Variants in PARP4 observed in about 807,000 individuals in gnomAD.
The protein encoded by PARP4 is poly(ADP-ribose) polymerase family member 4.
A neutral mutation model predicts 187.7 loss-of-function variants in PARP4; 120 were observed. The observed-to-expected ratio is 0.64, with a 90% CI of 0.55 to 0.74. The LOEUF (loss-of-function observed/expected upper bound fraction) is 0.74, where lower values mean the gene tolerates loss of function less well. PARP4 is among the 30% of genes least tolerant of loss of function. The probability of loss-of-function intolerance (pLI) is 0.00; values close to 1 mark genes in which losing one functional copy is unlikely to be tolerated. For missense variants in PARP4, 1,836 were observed against 2,070.5 expected (o/e 0.89, Z 2.20); for synonymous variants, 654 against 740.9 (o/e 0.88, Z 1.90).
In PARP4 at chr13:24,461,631, C is replaced by G. The variant is rs145859341; in HGVS notation, c.2134-1495G>C. Among the ~76,000 whole-genome samples the G allele has an allele frequency of 2.9e-3, 448 of 152,314 alleles. 4 individuals are homozygous for G. The highest frequency in any genetic ancestry group is 0.01 in the African/African-American group (416 of 41,576). On this transcript the variant is annotated intron_variant, in intron 17 of 33. Transcript: ENST00000381989. ...AGGCGTTTCCCCATATCCCCACAGCCTTCCACTGGGCCCACTGGAAAGGCT... is the reference window on the plus strand; with the variant it reads ...AGGCGTTTCCCCATATCCCCACAGCGTTCCACTGGGCCCACTGGAAAGGCT...
At chr13:24,436,211 G>C (rs957596167) in intron 30 of PARP4, among the ~76,000 whole-genome samples, 4 of 152,198 alleles carry the variant, frequency 2.6e-5, no homozygotes, top group African/African-American at 9.6e-5. Context: ...ACAGTCATTT[G>C]AAGTCAATTA....
chr13:24,431,282 A>G, intron 32 of PARP4, 95 bp downstream of exon 32: 2 of 696,788 alleles, frequency 2.9e-6, no homozygotes, highest in Non-Finnish European at 4.9e-6. Context: ...TTATTACATT[A>G]ATACACTAGC....
At chr13:24,443,927 T>C (rs1871081165) in intron 27 of PARP4, among the ~76,000 whole-genome samples, 197 bp from the exon 28 acceptor site, 1 of 152,254 alleles carries the variant, frequency 6.6e-6, no homozygotes. Flanking sequence ...AACATTCTCT[T>C]TTCCCTGAAA....
intron 27 of PARP4, among the ~76,000 whole-genome samples, chr13:24,444,705 T>G (rs990256947): frequency 1.3e-5 from 2 of 152,198 alleles, no homozygotes; most frequent in African/African-American, 4.8e-5. Flanking sequence ...CAAAAGAGAC[T>G]TCTTTGGCAT....
At chr13:24,433,007 C>T (rs1253118016) in intron 31 of PARP4, among the ~76,000 whole-genome samples, 2 of 152,108 alleles carry the variant, frequency 1.3e-5, no homozygotes, top group African/African-American at 4.8e-5. Context: ...GTACCAGGTG[C>T]TGTTCTTTGA....
At chr13:24,505,907 C>T (rs1336075269) in intron 1 of PARP4, among the ~76,000 whole-genome samples, 1 of 152,216 alleles carries the variant, frequency 6.6e-6, no homozygotes, top group African/African-American at 2.4e-5. Flanking sequence ...CTGCCGCGGC[C>T]CACGCGTCTT....
At chr13:24,488,411 T>A (rs1429800297) in intron 10 of PARP4, among the ~76,000 whole-genome samples, 7 of 152,202 alleles carry the variant, frequency 4.6e-5, no homozygotes, top group African/African-American at 1.7e-4. Context: ...TGGAGTGCAG[T>A]GGTGCAATCC....
intron 7 of PARP4, 22 bp downstream of exon 7, chr13:24,494,551 A>C: frequency 6.3e-7 from 1 of 1,590,850 alleles, no homozygotes; most frequent in Non-Finnish European, 8.5e-7. Context: ...TCAACAACAA[A>C]AAAATTATAA....
chr13:24,502,076 A>G (rs1869328670), intron 2 of PARP4, among the ~76,000 whole-genome samples: 1 of 152,244 alleles, frequency 6.6e-6, no homozygotes, highest in Non-Finnish European at 1.5e-5. Flanking sequence ...GGTTATTTCT[A>G]AATTTTCATT....
At position 24,452,395 on chromosome 13, in the gene PARP4, CTG is replaced by C; in HGVS notation, c.3014+9_3014+10del. 1 of 1,607,010 alleles carries C rather than the reference CTG, an allele frequency of 6.2e-7. No homozygotes were observed. The highest frequency in any genetic ancestry group is 8.5e-7 in the Non-Finnish European group (1 of 1,176,650). ...GGGTCTGGACTATGTGACCAGCTCT[CTG>C]AGACTCACCCGATACCGCAGGCGAA... On this transcript the variant is annotated intron_variant, in intron 24 of 33. Transcript: ENST00000381989.
chr13:24,461,934 C>A (rs1443898698), intron 17 of PARP4, among the ~76,000 whole-genome samples: 1 of 152,194 alleles, frequency 6.6e-6, no homozygotes, highest in African/African-American at 2.4e-5. Flanking sequence ...CTCCTAGGCC[C>A]AGGATCCTGC....
At chr13:24,436,929 T>C (rs2137445484) in intron 30 of PARP4, among the ~76,000 whole-genome samples, 1 of 152,312 alleles carries the variant, frequency 6.6e-6, no homozygotes, top group Admixed American at 6.5e-5. Flanking sequence ...TATTTTAAAA[T>C]AATGCTAACC....
chr13:24,508,956 G>C (rs1002378443), intron 1 of PARP4, among the ~76,000 whole-genome samples: 1 of 152,106 alleles, frequency 6.6e-6, no homozygotes, highest in Non-Finnish European at 1.5e-5. Context: ...ATGAATTATT[G>C]TTGGAAAATT....
intron 32 of PARP4, among the ~76,000 whole-genome samples, chr13:24,427,139 T>C (rs1870100319): frequency 6.6e-6 from 1 of 152,016 alleles, no homozygotes; most frequent in Non-Finnish European, 1.5e-5. Context: ...CTAAAAGAAA[T>C]CCAGTTTTTA....
At chr13:24,494,803 CT>C in intron 6 of PARP4, 81 bp from the exon 7 acceptor site, 1 of 840,314 alleles carries the variant, frequency 1.2e-6, no homozygotes, top group Non-Finnish European at 1.8e-6. Flanking sequence ...GCAGTAGGTC[CT>C]TGACATGAAG....
In PARP4 at chr13:24,509,082, A is replaced by T. The variant is rs972135184; in HGVS notation, c.-2+3624T>A. Reference sequence around the variant, plus strand: ...AAATAATACTCAACTAGAACTACTGAATCAAAGTTTGAACAATTTTTTTGT... The same window carrying T: ...AAATAATACTCAACTAGAACTACTGTATCAAAGTTTGAACAATTTTTTTGT... On this transcript the variant is annotated intron_variant, in intron 1 of 33. Coordinates refer to ENST00000381989, the MANE Select transcript of PARP4 (RefSeq NM_006437.4). Among the ~76,000 whole-genome samples the T allele has an allele frequency of 2.0e-5, 3 of 152,334 alleles. No homozygotes were observed. In the East Asian group the frequency reaches 5.8e-4, roughly 29 times the overall value.
chr13:24,494,515 A>G, intron 7 of PARP4, 58 bp downstream of exon 7: 1 of 1,472,444 alleles, frequency 6.8e-7, no homozygotes, highest in Non-Finnish European at 9.3e-7. Flanking sequence ...TGTAATAGAG[A>G]AAACATTTCT....
chr13:24,452,111 T>G (rs1422107679), intron 24 of PARP4: 1 of 288,786 alleles, frequency 3.5e-6, no homozygotes, highest in Non-Finnish European at 6.4e-6. Flanking sequence ...GAGTGCTTTC[T>G]ATGTATGAGC....
chr13:24,487,327 G>A (rs1470819617), intron 10 of PARP4, among the ~76,000 whole-genome samples: 6 of 152,118 alleles, frequency 3.9e-5, no homozygotes, highest in Non-Finnish European at 8.8e-5. Context: ...TTGGAGAGAG[G>A]GTTGTCAAGA....
Sources: gnomAD v4.1 joint callset for allele counts (sites outside exome capture counted in the v4.1 genomes callset) on GRCh38, gnomAD v4.1.1 for gene constraint, MANE v1.5 for transcripts, NCBI Gene and HGNC (gene_info 2026-07-23, HGNC 2026-07-21) for gene names.